The following DPP10 variants were observed in gnomAD, a reference collection of about 807,000 sequenced individuals.
DPP10 encodes the protein dipeptidyl peptidase like 10, also known as inactive dipeptidyl peptidase 10.
A neutral mutation model predicts 120.9 loss-of-function variants in DPP10; 33 were observed. That is an observed-to-expected ratio of 0.27 (90% confidence interval 0.21 to 0.37). The LOEUF is 0.37. DPP10 is among the 10% of genes least tolerant of loss of function. DPP10 has a pLI of 1.00. For synonymous variants in DPP10, 337 were observed against 326.1 expected (o/e 1.03, Z -0.36); for missense variants, 816 against 942.8 (o/e 0.87, Z 1.76).
At chr2:114,818,460 G>A (rs1054164206) in intron 1 of DPP10, among the ~76,000 whole-genome samples, 1 of 152,112 alleles carries the variant, frequency 6.6e-6, no homozygotes, top group African/African-American at 2.4e-5. Flanking sequence ...CATAGTTTTT[G>A]GTCCACCAAG....
At chr2:114,972,122 C>T (rs1699439513) in intron 1 of DPP10, among the ~76,000 whole-genome samples, 1 of 152,182 alleles carries the variant, frequency 6.6e-6, no homozygotes, top group Non-Finnish European at 1.5e-5. Context: ...TTGCCAATCA[C>T]TCTTTGGGCT....
intron 7 of DPP10, among the ~76,000 whole-genome samples, chr2:115,708,439 A>G (rs1001261601): frequency 2.0e-5 from 3 of 152,020 alleles, no homozygotes; most frequent in Non-Finnish European, 4.4e-5. Context: ...AGATCATTAT[A>G]TTACAAATTG....
chr2:114,890,937 A>G (rs1692490112), intron 1 of DPP10, among the ~76,000 whole-genome samples: 1 of 152,210 alleles, frequency 6.6e-6, no homozygotes, highest in African/African-American at 2.4e-5. Flanking sequence ...GTAGCAGGGT[A>G]CAATATAGCC....
chr2:115,456,098 A>G (rs766408984), intron 3 of DPP10, among the ~76,000 whole-genome samples: 1 of 152,208 alleles, frequency 6.6e-6, no homozygotes, highest in Non-Finnish European at 1.5e-5. Flanking sequence ...CAAAATCTAC[A>G]AAGAACTTAA....
At chr2:115,226,792 A>G (rs960300368) in intron 1 of DPP10, among the ~76,000 whole-genome samples, 1 of 152,180 alleles carries the variant, frequency 6.6e-6, no homozygotes, top group Admixed American at 6.6e-5. Flanking sequence ...ATTTCAGAGC[A>G]AAGTTTCTTG....
intron 1 of DPP10, among the ~76,000 whole-genome samples, chr2:114,643,257 T>C (rs1187010710): frequency 4.6e-5 from 7 of 151,904 alleles, no homozygotes; most frequent in African/African-American, 1.5e-4. Context: ...TTCAAACTTC[T>C]TGATGACAGC....
chr2:114,956,379 A>G (rs1698201196), intron 1 of DPP10, among the ~76,000 whole-genome samples: 1 of 151,980 alleles, frequency 6.6e-6, no homozygotes, highest in Non-Finnish European at 1.5e-5. Flanking sequence ...AACATGTAGG[A>G]GTAAATTTAA....
At chr2:114,634,942 A>G (rs1349824817) in intron 1 of DPP10, among the ~76,000 whole-genome samples, 3 of 151,916 alleles carry the variant, frequency 2.0e-5, no homozygotes, top group African/African-American at 7.3e-5. Context: ...GGGTTTGATA[A>G]TTTATGGTTT....
intron 1 of DPP10, among the ~76,000 whole-genome samples, chr2:114,527,466 TG>T (rs1353578790): frequency 6.6e-6 from 1 of 152,162 alleles, no homozygotes; most frequent in East Asian, 1.9e-4. Flanking sequence ...TGAAACATGA[TG>T]TATTAATTAT....
chr2:114,822,424 C>T (rs1180715931), intron 1 of DPP10, among the ~76,000 whole-genome samples: 1 of 152,154 alleles, frequency 6.6e-6, no homozygotes, highest in African/African-American at 2.4e-5. Context: ...CTCTTAGCCT[C>T]TCAGCCTGTA....
chr2:114,883,497 A>C (rs1416167518), intron 1 of DPP10, among the ~76,000 whole-genome samples: 1 of 152,196 alleles, frequency 6.6e-6, no homozygotes, highest in Non-Finnish European at 1.5e-5. Context: ...ATGAATAAAC[A>C]TATTGTTAAC....
intron 1 of DPP10, among the ~76,000 whole-genome samples, chr2:114,991,351 G>A (rs1700745325): frequency 1.3e-5 from 2 of 152,246 alleles, no homozygotes; most frequent in South Asian, 2.1e-4. Flanking sequence ...GGCCTAAAAA[G>A]GAACAAAGTT....
intron 3 of DPP10, among the ~76,000 whole-genome samples, chr2:115,372,794 G>T (rs956713454): frequency 2.0e-5 from 3 of 152,182 alleles, no homozygotes; most frequent in African/African-American, 7.2e-5. Flanking sequence ...GTATGGTGTA[G>T]GGAGAATGAG....
At chr2:115,812,331 A>G (rs1008073205) in intron 19 of DPP10, among the ~76,000 whole-genome samples, 11 of 152,124 alleles carry the variant, frequency 7.2e-5, no homozygotes, top group Non-Finnish European at 1.5e-4. Flanking sequence ...AACTTCATCT[A>G]TTTTCCCTGA....
intron 1 of DPP10, among the ~76,000 whole-genome samples, chr2:114,640,346 T>A (rs61264348): frequency 0.014 from 2,053 of 152,030 alleles, 97 homozygotes; most frequent in African/African-American, 0.047. Flanking sequence ...AGAATCATGT[T>A]TTCCCTTATT....
chr2:114,659,894 C>T (rs1454755058), intron 1 of DPP10, among the ~76,000 whole-genome samples: 9 of 152,246 alleles, frequency 5.9e-5, no homozygotes, highest in African/African-American at 1.2e-4. Context: ...CTACCAGCCA[C>T]GTAATATCAA....
At chr2:114,694,406 A>G (rs1699947112) in intron 1 of DPP10, among the ~76,000 whole-genome samples, 1 of 151,962 alleles carries the variant, frequency 6.6e-6, no homozygotes, top group Admixed American at 6.6e-5. Flanking sequence ...ATGATTTATA[A>G]TCGAAACATA....
intron 1 of DPP10, among the ~76,000 whole-genome samples, chr2:114,601,819 A>G (rs1040607673): frequency 1.3e-5 from 2 of 151,986 alleles, no homozygotes; most frequent in African/African-American, 4.8e-5. Flanking sequence ...AAATGGTGTC[A>G]TTACTTCATA....
intron 5 of DPP10, among the ~76,000 whole-genome samples, chr2:115,680,624 A>G (rs2149472025): frequency 6.6e-6 from 1 of 152,100 alleles, no homozygotes; most frequent in Non-Finnish European, 1.5e-5. Flanking sequence ...AGAAGAAAAA[A>G]GTGTGTGAGA....
Sources: allele counts gnomAD v4.1 joint callset (sites outside exome capture counted in the v4.1 genomes callset), GRCh38; gene constraint gnomAD v4.1.1; transcripts MANE v1.5; gene names NCBI Gene and HGNC (gene_info 2026-07-23, HGNC 2026-07-21).